NWD1: variants seen among roughly 807,000 people sequenced by gnomAD.
NWD1 encodes NACHT domain- and WD repeat-containing protein 1.
A neutral mutation model predicts 135.1 loss-of-function variants in NWD1; 129 were observed. That is an observed-to-expected ratio of 0.96 (90% CI 0.83 to 1.11). NWD1 has a LOEUF of 1.11. Among genes scored for constraint, NWD1 ranks in the 50% least tolerant of loss-of-function variants. The pLI is 0.00. For missense variants in NWD1, 1,740 were observed against 1,851.3 expected (o/e 0.94, Z 1.10); for synonymous variants, 773 against 786.0 (o/e 0.98, Z 0.28).
At chr19:16,757,041 C>T (rs2122855072) in intron 6 of NWD1, among the ~76,000 whole-genome samples, 1 of 152,234 alleles carries the variant, frequency 6.6e-6, no homozygotes, top group Non-Finnish European at 1.5e-5. Flanking sequence ...AAGCTCAGGG[C>T]TCCCACTGAT....
chr19:16,734,628 G>A (rs1042891179), intron 3 of NWD1, among the ~76,000 whole-genome samples: 1 of 151,118 alleles, frequency 6.6e-6, no homozygotes, highest in Non-Finnish European at 1.5e-5. Flanking sequence ...CCAGGCTGGA[G>A]TGCAGGCATG....
At position 16,759,362 on chromosome 19, in the gene NWD1, G is replaced by A. The variant is rs1196694107; in HGVS notation, c.1907G>A (p.Arg636Gln). 3 of 1,611,692 alleles carry A rather than the reference G, an allele frequency of 1.9e-6. No homozygotes were observed. The highest frequency in any genetic ancestry group is 2.5e-6 in the Non-Finnish European group (3 of 1,179,146). ...FPPLLWVRLR[R>Q]DLGYYLARRP... ...CCCCTGCTGTGGGTGCGGCTTCGTC[G>A]GGATCTGGGATACTACTTGGCCCGG... is the stretch of plus-strand genomic sequence containing the variant. Residue 636 changes from arginine (R) to glutamine (Q), a missense_variant, in exon 7 of 19, where the codon CGG becomes CAG. By Grantham distance (43) the Arg-to-Gln change is conservative. Coordinates refer to ENST00000524140, the MANE Select transcript of NWD1 (RefSeq NM_001007525.5).
chr19:16,752,110 C>T (rs1412438675), intron 6 of NWD1, among the ~76,000 whole-genome samples: 2 of 152,146 alleles, frequency 1.3e-5, no homozygotes, highest in Admixed American at 1.3e-4. Flanking sequence ...GGCAGAGACG[C>T]CAAGGAACAA....
In NWD1 at chr19:16,762,051, C is replaced by T. The variant is rs544415980; in HGVS notation, c.2046C>T (p.Ala682=). ...GAGCCAAGAGGCATGGCGTCCTGGCCGACTTCTTCTCAGGGACCTGGAGCC... is the reference window on the plus strand; with the variant it reads ...GAGCCAAGAGGCATGGCGTCCTGGCTGACTTCTTCTCAGGGACCTGGAGCC... ...SERAKRHGVL[A]DFFSGTWSQG... The change falls in exon 8 of 19, where the codon GCC becomes GCT. Residue 682 remains alanine, a synonymous_variant. Coordinates refer to ENST00000524140, the MANE Select transcript of NWD1 (RefSeq NM_001007525.5). 64 of 1,613,968 alleles carry T rather than the reference C, an allele frequency of 4.0e-5. No homozygotes were observed. The East Asian group carries it at 4.0e-4, about 10-fold the overall frequency.
At chr19:16,735,702 C>A (rs920272765) in intron 3 of NWD1, among the ~76,000 whole-genome samples, 2 of 151,516 alleles carry the variant, frequency 1.3e-5, no homozygotes, top group African/African-American at 4.8e-5. Context: ...TGGTGGTGTG[C>A]GCCTGTAGTT....
At chr19:16,775,116 G>GC (rs920521472) in intron 11 of NWD1, among the ~76,000 whole-genome samples, 1 of 152,090 alleles carries the variant, frequency 6.6e-6, no homozygotes, top group African/African-American at 2.4e-5. Flanking sequence ...ACATGACCTG[G>GC]CAGTGAGAGC....
At chr19:16,747,985 T>C (rs1218788420) in intron 5 of NWD1, among the ~76,000 whole-genome samples, 1 of 152,122 alleles carries the variant, frequency 6.6e-6, no homozygotes, top group African/African-American at 2.4e-5. Context: ...ATGTTTGTTT[T>C]GATTTGTTTT....
intron 12 of NWD1, among the ~76,000 whole-genome samples, chr19:16,780,580 G>A (rs890998200): frequency 6.6e-6 from 1 of 152,150 alleles, no homozygotes; most frequent in African/African-American, 2.4e-5. Context: ...GTCCAGTAGG[G>A]AAATAGGCTA....
chr19:16,792,314 G>C (rs529418010), intron 14 of NWD1, among the ~76,000 whole-genome samples: 19 of 152,156 alleles, frequency 1.2e-4, no homozygotes, highest in South Asian at 2.1e-4. Flanking sequence ...GCTGAGGGGG[G>C]GTGGATCATT....
At chr19:16,796,248 GTGAACTTCTGATC>G (rs1353125234) in intron 15 of NWD1, among the ~76,000 whole-genome samples, 17 of 152,194 alleles carry the variant, frequency 1.1e-4, no homozygotes, top group Admixed American at 6.6e-4. Flanking sequence ...GTTCAGATCA[GTGAACTTCTGATC>G]TGAACTTCTG....
chr19:16,742,580 G>A (rs1968129909), intron 4 of NWD1, among the ~76,000 whole-genome samples: 1 of 151,848 alleles, frequency 6.6e-6, no homozygotes, highest in African/African-American at 2.4e-5. Context: ...GGTCCTCTTA[G>A]CCCTGCTTCA....
rs1384324046 is a variant in NWD1 at position 16,759,443 on chromosome 19, C to T, written c.1973+15C>T. ...ATTGCCCACAGGTAGGTCCAGGCAG[C>T]AGTGGCAGCGACACTGTCTGGGTGG... On this transcript the variant is annotated intron_variant, in intron 7 of 18. Coordinates refer to ENST00000524140, the MANE Select transcript of NWD1 (RefSeq NM_001007525.5). 3 of 1,538,460 alleles carry T rather than the reference C, an allele frequency of 1.9e-6. No individual in the cohort carries two copies. In the South Asian group the frequency reaches 3.5e-5, roughly 18 times the overall value.
chr19:16,806,981 C>T (rs969341961), intron 17 of NWD1, among the ~76,000 whole-genome samples: 15 of 151,754 alleles, frequency 9.9e-5, no homozygotes, highest in East Asian at 5.8e-4. Context: ...TGTGCCACTG[C>T]GCTCCAGCCT....
intron 10 of NWD1, among the ~76,000 whole-genome samples, chr19:16,771,307 G>A (rs775940545): frequency 5.9e-5 from 9 of 152,070 alleles, no homozygotes; most frequent in African/African-American, 1.7e-4. Flanking sequence ...AAAATTAGCC[G>A]GGTGTGGTGG....
chr19:16,756,014 T>C (rs11883226), intron 6 of NWD1, among the ~76,000 whole-genome samples: 122 of 152,224 alleles, frequency 8.0e-4, no homozygotes, highest in African/African-American at 2.9e-3. Flanking sequence ...TCGACGAACA[T>C]GTATTTCATA....
chr19:16,755,417 C>G (rs1052011303), intron 6 of NWD1, among the ~76,000 whole-genome samples: 9 of 152,100 alleles, frequency 5.9e-5, no homozygotes, highest in Non-Finnish European at 1.2e-4. Flanking sequence ...GAGACAGAGT[C>G]TCACTCTGTT....
intron 2 of NWD1, chr19:16,727,525 G>A (rs942990495): frequency 6.6e-6 from 1 of 152,604 alleles, no homozygotes; most frequent in African/African-American, 2.4e-5. Context: ...GCCCTTTCCA[G>A]GGGAAGGGTC....
Position 16,760,037 on chromosome 19 carries a change from C to G in NWD1, c.1973+609C>G, listed in dbSNP as rs142207002. On this transcript the variant is annotated intron_variant, in intron 7 of 18. Transcript: ENST00000524140. ...GGGTGTGATGGTACACACTTGTGGT[C>G]CCAGCTACTTGGGAGGCTGAGGTGG... Among the ~76,000 whole-genome samples, 188 of 150,884 alleles carry G rather than the reference C, an allele frequency of 1.2e-3. 2 individuals are homozygous for G. In the East Asian group the frequency reaches 0.03, roughly 24 times the overall value.
At chr19:16,791,323 G>T in intron 13 of NWD1, 27 bp from the exon 14 acceptor site, 1 of 1,603,158 alleles carries the variant, frequency 6.2e-7, no homozygotes. Flanking sequence ...CTGCCAAGAT[G>T]CTGCTTCCTC....
Sources: allele counts gnomAD v4.1 joint callset (sites outside exome capture counted in the v4.1 genomes callset), GRCh38; gene constraint gnomAD v4.1.1; transcripts MANE v1.5; gene names NCBI Gene and HGNC (gene_info 2026-07-23, HGNC 2026-07-21).